The following RUNX2 variants were observed in gnomAD, a reference collection of about 807,000 sequenced individuals.
The protein encoded by RUNX2 is runt-related transcription factor 2.
In RUNX2, 10 loss-of-function variants were observed where a neutral mutation model predicts 51.7. The observed-to-expected ratio is 0.19, with a 90% CI of 0.12 to 0.33. RUNX2 has a LOEUF of 0.33. RUNX2 is among the 10% of genes least tolerant of loss of function. The pLI, the probability that RUNX2 is intolerant of heterozygous loss-of-function variation, is 1.00. For missense variants in RUNX2, 562 were observed against 691.3 expected (o/e 0.81, Z 2.10); for synonymous variants, 276 against 273.6 (o/e 1.01, Z -0.09).
chr6:45,516,022 T>C (rs1801308749), intron 7 of RUNX2, among the ~76,000 whole-genome samples: 1 of 152,220 alleles, frequency 6.6e-6, no homozygotes, highest in Non-Finnish European at 1.5e-5. Flanking sequence ...ATATTTCACC[T>C]TTCTTTATTA....
chr6:45,442,774 T>G (rs2150374983), intron 5 of RUNX2, among the ~76,000 whole-genome samples: 1 of 152,314 alleles, frequency 6.6e-6, no homozygotes, highest in South Asian at 2.1e-4. Context: ...GTCTATCATG[T>G]AGCTGCAATC....
At chr6:45,425,477 TA>T (rs1798359239) in intron 3 of RUNX2, among the ~76,000 whole-genome samples, 3 of 152,352 alleles carry the variant, frequency 2.0e-5, no homozygotes, top group Non-Finnish European at 2.9e-5. Flanking sequence ...AAGACCATAT[TA>T]AATTGACTAT....
At chr6:45,508,111 G>T (rs1231456745) in intron 6 of RUNX2, among the ~76,000 whole-genome samples, 1 of 151,966 alleles carries the variant, frequency 6.6e-6, no homozygotes, top group African/African-American at 2.4e-5. Context: ...AGGCATGGGG[G>T]TGTTTGGAGA....
intron 6 of RUNX2, among the ~76,000 whole-genome samples, chr6:45,498,065 G>A (rs1348022284): frequency 6.6e-6 from 1 of 152,064 alleles, no homozygotes; most frequent in Non-Finnish European, 1.5e-5. Flanking sequence ...ACTCACCCAA[G>A]GTCCCACTTA....
intron 5 of RUNX2, among the ~76,000 whole-genome samples, chr6:45,483,775 G>C (rs779711396): frequency 1.3e-5 from 2 of 152,176 alleles, no homozygotes; most frequent in African/African-American, 2.4e-5. Context: ...TTTGCCAAAC[G>C]GAGTTGATGC....
At chr6:45,466,494 T>A (rs1325186154) in intron 5 of RUNX2, among the ~76,000 whole-genome samples, 1 of 152,094 alleles carries the variant, frequency 6.6e-6, no homozygotes, top group Non-Finnish European at 1.5e-5. Context: ...AGCATCAACA[T>A]CCAAGCCTGA....
chr6:45,399,915 C>T (rs1040875933), intron 2 of RUNX2, among the ~76,000 whole-genome samples: 8 of 139,232 alleles, frequency 5.7e-5, no homozygotes, highest in African/African-American at 2.2e-4. Context: ...ATTGTTTGCA[C>T]TGTACCTTGA....
intron 3 of RUNX2, among the ~76,000 whole-genome samples, chr6:45,428,510 G>T (rs1798446804): frequency 6.6e-6 from 1 of 152,036 alleles, no homozygotes; most frequent in Admixed American, 6.6e-5. Context: ...GCTTTAACAG[G>T]AAAGATTGTC....
intron 2 of RUNX2, among the ~76,000 whole-genome samples, chr6:45,368,414 T>C (rs1795511316): frequency 6.6e-6 from 1 of 152,172 alleles, no homozygotes; most frequent in African/African-American, 2.4e-5. Context: ...GATGCACGCC[T>C]TTCCTCAGAA....
chr6:45,535,588 A>G (rs1802006141), intron 7 of RUNX2, among the ~76,000 whole-genome samples: 1 of 148,764 alleles, frequency 6.7e-6, no homozygotes, highest in Admixed American at 6.7e-5. Flanking sequence ...TGGGCAACAG[A>G]GTGAGACTCT....
intron 5 of RUNX2, among the ~76,000 whole-genome samples, chr6:45,485,126 C>G (rs575793056): frequency 1.3e-5 from 2 of 152,132 alleles, no homozygotes; most frequent in African/African-American, 4.8e-5. Context: ...GGATGAGGCT[C>G]ATGGACTGCC....
intron 3 of RUNX2, among the ~76,000 whole-genome samples, chr6:45,423,549 C>T (rs986372276): frequency 2.0e-5 from 3 of 152,184 alleles, no homozygotes; most frequent in Non-Finnish European, 4.4e-5. Flanking sequence ...TGGTCCCTCC[C>T]GGGCTCCCGT....
intron 2 of RUNX2, among the ~76,000 whole-genome samples, chr6:45,420,573 C>A (rs931490937): frequency 7.9e-5 from 12 of 152,226 alleles, no homozygotes; most frequent in African/African-American, 2.7e-4. Context: ...TTTATAAAAT[C>A]ACTTGTTACT....
At chr6:45,507,987 C>T (rs1298364351) in intron 6 of RUNX2, among the ~76,000 whole-genome samples, 1 of 152,070 alleles carries the variant, frequency 6.6e-6, no homozygotes, top group Non-Finnish European at 1.5e-5. Flanking sequence ...TTCTTATTTA[C>T]TCCCATTTTA....
chr6:45,385,755 C>T (rs757262229), intron 2 of RUNX2, among the ~76,000 whole-genome samples: 1 of 152,154 alleles, frequency 6.6e-6, no homozygotes, highest in Non-Finnish European at 1.5e-5. Flanking sequence ...CAGAAATCAG[C>T]TGGGCATGGT....
intron 2 of RUNX2, among the ~76,000 whole-genome samples, chr6:45,360,414 C>T (rs1430784885): frequency 6.6e-6 from 1 of 152,076 alleles, no homozygotes; most frequent in Non-Finnish European, 1.5e-5. Flanking sequence ...TACTTTTTAC[C>T]TTCAGGGTTT....
chr6:45,459,409 A>G (rs1045968901), intron 5 of RUNX2, among the ~76,000 whole-genome samples: 1 of 152,190 alleles, frequency 6.6e-6, no homozygotes, highest in African/African-American at 2.4e-5. Context: ...GTATTTACTG[A>G]GCACCTGCTG....
At chr6:45,407,873 G>A (rs1171243977) in intron 2 of RUNX2, among the ~76,000 whole-genome samples, 2 of 151,710 alleles carry the variant, frequency 1.3e-5, no homozygotes, top group Non-Finnish European at 2.9e-5. Flanking sequence ...TATTTTTTCA[G>A]CAGAAAAATA....
chr6:45,437,227 A>T (rs909116500), intron 4 of RUNX2, among the ~76,000 whole-genome samples: 2 of 152,232 alleles, frequency 1.3e-5, no homozygotes, highest in African/African-American at 2.4e-5. Context: ...GCTAAAAGCA[A>T]AATTTGAGTT....
Sources: gnomAD v4.1 joint callset for allele counts (sites outside exome capture counted in the v4.1 genomes callset) on GRCh38, gnomAD v4.1.1 for gene constraint, MANE v1.5 for transcripts, NCBI Gene and HGNC (gene_info 2026-07-23, HGNC 2026-07-21) for gene names.